Variants in CSRNP3 observed in about 807,000 individuals in gnomAD.
The protein encoded by CSRNP3 is cysteine and serine rich nuclear protein 3.
In CSRNP3, 12 loss-of-function variants were observed where a neutral mutation model predicts 48.0. That is an observed-to-expected ratio of 0.25 (90% confidence interval 0.16 to 0.41). The LOEUF is 0.41. CSRNP3 is among the 10% of genes least tolerant of loss of function. The probability of loss-of-function intolerance (pLI) is 1.00; values close to 1 mark genes in which losing one functional copy is unlikely to be tolerated. For synonymous variants in CSRNP3, 263 were observed against 269.7 expected (o/e 0.98, Z 0.24); for missense variants, 580 against 724.4 (o/e 0.80, Z 2.29).
At chr2:165,621,132 A>G (rs1387861981) in intron 4 of CSRNP3, among the ~76,000 whole-genome samples, 1 of 152,122 alleles carries the variant, frequency 6.6e-6, no homozygotes, top group Admixed American at 6.6e-5. Context: ...CAAAGTCAGA[A>G]TCCAAACTAA....
In CSRNP3 at chr2:165,551,787, TA is replaced by T. The variant is rs201422217; in HGVS notation, c.-24+33837del. Among the ~76,000 whole-genome samples, 243 of 148,630 alleles carry T rather than the reference TA, an allele frequency of 1.6e-3. 10 individuals carry two copies. The South Asian group carries it at 0.042, about 26-fold the overall frequency. ...TAGCAAAAAAGAATATACGAATTATTAAAAAAAAAAATCTCAGAACTCCAAA... is the reference window on the plus strand; with the variant it reads ...TAGCAAAAAAGAATATACGAATTATTAAAAAAAAAATCTCAGAACTCCAAA... On this transcript the variant is annotated intron_variant, in intron 3 of 6. Transcript: ENST00000651982.
At chr2:165,667,978 T>A (rs1687262862) in intron 5 of CSRNP3, among the ~76,000 whole-genome samples, 1 of 152,244 alleles carries the variant, frequency 6.6e-6, no homozygotes, top group Non-Finnish European at 1.5e-5. Context: ...TTATTCATTT[T>A]AAAAATGTAT....
intron 3 of CSRNP3, among the ~76,000 whole-genome samples, chr2:165,568,547 C>T (rs1488371378): frequency 6.6e-6 from 1 of 152,046 alleles, no homozygotes; most frequent in African/African-American, 2.4e-5. Flanking sequence ...AGCCTCAGGG[C>T]AGTGAATCCT....
At chr2:165,567,925 T>C (rs1177880894) in intron 3 of CSRNP3, among the ~76,000 whole-genome samples, 1 of 152,032 alleles carries the variant, frequency 6.6e-6, no homozygotes. Context: ...CTAAGGCAAA[T>C]ACAAATAAAA....
At chr2:165,555,826 G>A (rs1409218415) in intron 3 of CSRNP3, among the ~76,000 whole-genome samples, 1 of 152,126 alleles carries the variant, frequency 6.6e-6, no homozygotes, top group African/African-American at 2.4e-5. Flanking sequence ...ATTTCATGAA[G>A]GCATGAGGTT....
At chr2:165,526,861 G>T (rs80229811) in intron 3 of CSRNP3, among the ~76,000 whole-genome samples, 2,479 of 152,242 alleles carry the variant, frequency 0.016, 22 homozygotes, top group Non-Finnish European at 0.024. Flanking sequence ...AAGACTGTTT[G>T]TCATTATGTA....
intron 3 of CSRNP3, among the ~76,000 whole-genome samples, chr2:165,524,027 T>C (rs1281397222): frequency 6.6e-6 from 1 of 152,126 alleles, no homozygotes; most frequent in African/African-American, 2.4e-5. Flanking sequence ...GGGGTGTCAA[T>C]GTCTAACAGG....
intron 3 of CSRNP3, among the ~76,000 whole-genome samples, chr2:165,592,917 T>C (rs994838368): frequency 3.4e-5 from 5 of 147,872 alleles, no homozygotes; most frequent in Middle Eastern, 3.2e-3. Context: ...TTCTCCTGCC[T>C]CAGCCTCCCA....
chr2:165,642,258 T>A (rs935658936), intron 4 of CSRNP3, among the ~76,000 whole-genome samples: 3 of 152,074 alleles, frequency 2.0e-5, no homozygotes, highest in Non-Finnish European at 4.4e-5. Flanking sequence ...ATACTGATTC[T>A]CTCCTCTGGC....
At chr2:165,646,834 T>A (rs1026918402) in intron 4 of CSRNP3, among the ~76,000 whole-genome samples, 1 of 152,172 alleles carries the variant, frequency 6.6e-6, no homozygotes, top group Non-Finnish European at 1.5e-5. Context: ...ACAACTACCT[T>A]TTTTTCCCAA....
intron 3 of CSRNP3, among the ~76,000 whole-genome samples, chr2:165,531,404 A>T (rs1303011982): frequency 1.3e-5 from 2 of 152,204 alleles, no homozygotes; most frequent in African/African-American, 2.4e-5. Flanking sequence ...TTGTGTTGAC[A>T]CTACTCTACA....
At chr2:165,537,023 A>T (rs1006486448) in intron 3 of CSRNP3, among the ~76,000 whole-genome samples, 17 of 151,844 alleles carry the variant, frequency 1.1e-4, no homozygotes, top group African/African-American at 4.1e-4. Context: ...ACACTCAAAC[A>T]GGAAACTCTG....
chr2:165,654,139 A>G (rs1055409648), intron 4 of CSRNP3, among the ~76,000 whole-genome samples: 1 of 152,200 alleles, frequency 6.6e-6, no homozygotes, highest in Non-Finnish European at 1.5e-5. Context: ...CAAAAAAGAT[A>G]GAAAGTTATC....
intron 4 of CSRNP3, among the ~76,000 whole-genome samples, chr2:165,631,528 G>T (rs1159873342): frequency 6.6e-6 from 1 of 152,146 alleles, no homozygotes; most frequent in Non-Finnish European, 1.5e-5. Context: ...AGCAGCCAAT[G>T]GCCAGCTCTC....
At chr2:165,492,768 G>C (rs1302764041) in intron 1 of CSRNP3, among the ~76,000 whole-genome samples, 2 of 144,102 alleles carry the variant, frequency 1.4e-5, no homozygotes, top group Admixed American at 7.0e-5. Context: ...ACTTGCTGTC[G>C]ATGTTGCTTC....
At chr2:165,552,149 A>G (rs1685104073) in intron 3 of CSRNP3, among the ~76,000 whole-genome samples, 1 of 152,204 alleles carries the variant, frequency 6.6e-6, no homozygotes, top group Non-Finnish European at 1.5e-5. Flanking sequence ...ATTTATCAGC[A>G]TGTTGGTCAG....
chr2:165,565,300 A>G (rs1685283029), intron 3 of CSRNP3, among the ~76,000 whole-genome samples: 1 of 152,136 alleles, frequency 6.6e-6, no homozygotes, highest in Admixed American at 6.6e-5. Context: ...TGAGACTGTT[A>G]TCAAAATAAC....
intron 5 of CSRNP3, among the ~76,000 whole-genome samples, chr2:165,668,313 G>C (rs1160559497): frequency 6.6e-6 from 1 of 151,860 alleles, no homozygotes; most frequent in Non-Finnish European, 1.5e-5. Context: ...TAACTGGTGA[G>C]ATGTTGTATC....
At chr2:165,651,294 T>A (rs990401464) in intron 4 of CSRNP3, among the ~76,000 whole-genome samples, 2 of 152,232 alleles carry the variant, frequency 1.3e-5, no homozygotes, top group African/African-American at 4.8e-5. Context: ...AGGCAGATAA[T>A]CTGGTAAACT....
Sources: allele counts gnomAD v4.1 joint callset (sites outside exome capture counted in the v4.1 genomes callset), GRCh38; gene constraint gnomAD v4.1.1; transcripts MANE v1.5; gene names NCBI Gene and HGNC (gene_info 2026-07-23, HGNC 2026-07-21).